SPATA31H1: variants seen among roughly 807,000 people sequenced by gnomAD.
The protein encoded by SPATA31H1 is spermatogenesis-associated protein 31H1.
At chr2:27,573,702 C>T in the SPATA31H1 span, 1 of 398,510 alleles carries the variant, frequency 2.5e-6, no homozygotes, top group Non-Finnish European at 4.4e-6. Context: ...AAGACCACAG[C>T]TGCACAAAGT....
the SPATA31H1 span, chr2:27,575,065 T>C: frequency 2.5e-6 from 1 of 398,562 alleles, no homozygotes; most frequent in African/African-American, 2.1e-5. The surrounding 1 kb of genome is among the most constrained non-coding windows in gnomAD (Gnocchi z 4.1). Context: ...TTATCTATGT[T>C]GACACCAGGG....
the SPATA31H1 span, chr2:27,576,984 C>G: frequency 1.2e-6 from 2 of 1,614,066 alleles, no homozygotes; most frequent in Non-Finnish European, 1.7e-6. Context: ...GATGATCCCA[C>G]AGCCAAAGTA....
the SPATA31H1 span, chr2:27,572,955 G>A: frequency 2.5e-6 from 1 of 397,612 alleles, no homozygotes; most frequent in African/African-American, 2.1e-5. Flanking sequence ...ATATTTTCAA[G>A]GTGTGAAAAC....
chr2:27,538,656 A>T, the SPATA31H1 span, among the ~76,000 whole-genome samples: 2 of 151,808 alleles, frequency 1.3e-5, no homozygotes, highest in African/African-American at 4.8e-5. Flanking sequence ...ACATGGTGGA[A>T]CCCCGTCTCT....
At chr2:27,581,543 C>A in the SPATA31H1 span, 2 of 1,465,074 alleles carry the variant, frequency 1.4e-6, no homozygotes, top group Non-Finnish European at 1.9e-6. Flanking sequence ...ATCGCAGTCC[C>A]TCAGAGAGAA....
At chr2:27,582,002 G>GGA in the SPATA31H1 span, 2 of 1,605,756 alleles carry the variant, frequency 1.2e-6, no homozygotes, top group Admixed American at 1.7e-5. Flanking sequence ...ACAGTCCCTT[G>GGA]GAGAGGAGCC....
At chr2:27,577,150 T>G in the SPATA31H1 span, 2 of 1,613,990 alleles carry the variant, frequency 1.2e-6, no homozygotes, top group Non-Finnish European at 1.7e-6. This position sits in a 1 kb window ranked among gnomAD's most constrained non-coding sequence, Gnocchi z 4.5. Flanking sequence ...AAGGAATCCT[T>G]AGGGATGCTG....
the SPATA31H1 span, among the ~76,000 whole-genome samples, chr2:27,543,211 A>C: frequency 9.2e-5 from 14 of 152,146 alleles, no homozygotes; most frequent in Non-Finnish European, 1.9e-4. Context: ...CAGCATTTCC[A>C]AACCTTTTTT....
chr2:27,567,062 G>A, the SPATA31H1 span: 1 of 717,340 alleles, frequency 1.4e-6, no homozygotes, highest in East Asian at 2.7e-5. Context: ...AAATTTTTCA[G>A]AATTTGGCAG....
chr2:27,541,550 C>A, the SPATA31H1 span, among the ~76,000 whole-genome samples: 1 of 151,872 alleles, frequency 6.6e-6, no homozygotes, highest in African/African-American at 2.4e-5. Context: ...GTGAAATGAA[C>A]GAACGACTTC....
chr2:27,578,747 G>A, the SPATA31H1 span: 3 of 1,614,092 alleles, frequency 1.9e-6, no homozygotes, highest in Non-Finnish European at 1.7e-6. Context: ...TACAAGTAGG[G>A]ACTGACTTCT....
the SPATA31H1 span, among the ~76,000 whole-genome samples, chr2:27,540,001 T>A: frequency 1.6e-5 from 2 of 121,770 alleles, no homozygotes; most frequent in African/African-American, 6.2e-5. Flanking sequence ...ACTGGGCGGC[T>A]GGCCGGGCGG....
At chr2:27,552,902 C>T in the SPATA31H1 span, among the ~76,000 whole-genome samples, 1 of 151,912 alleles carries the variant, frequency 6.6e-6, no homozygotes, top group African/African-American at 2.4e-5. Flanking sequence ...TTCCGATATT[C>T]TGTATGTAAG....
At chr2:27,566,885 A>T in the SPATA31H1 span, 1 of 717,602 alleles carries the variant, frequency 1.4e-6, no homozygotes, top group East Asian at 2.7e-5. Flanking sequence ...CCTTTAGTTC[A>T]TCATGCAATG....
At chr2:27,561,006 T>C in the SPATA31H1 span, among the ~76,000 whole-genome samples, 5 of 152,194 alleles carry the variant, frequency 3.3e-5, no homozygotes, top group Non-Finnish European at 1.5e-5. Context: ...ATTTGTCATT[T>C]TGAGGTTCCA....
the SPATA31H1 span, among the ~76,000 whole-genome samples, chr2:27,559,055 T>G: frequency 1.3e-5 from 2 of 152,238 alleles, no homozygotes; most frequent in African/African-American, 2.4e-5. Context: ...TATCTCTTAG[T>G]CTTCAGTCAG....
chr2:27,556,870 T>C, the SPATA31H1 span, among the ~76,000 whole-genome samples: 3 of 104,742 alleles, frequency 2.9e-5, no homozygotes, highest in Non-Finnish European at 5.7e-5. Context: ...CCTTCCGCAG[T>C]GTTTGTGTCC....
the SPATA31H1 span, chr2:27,582,637 A>C: frequency 1.8e-6 from 2 of 1,142,328 alleles, no homozygotes; most frequent in African/African-American, 3.1e-5. Context: ...CCAGCGTGGA[A>C]AGGCTTCCAT....
chr2:27,547,667 T>C, the SPATA31H1 span, among the ~76,000 whole-genome samples: 1 of 152,080 alleles, frequency 6.6e-6, no homozygotes, highest in African/African-American at 2.4e-5. Flanking sequence ...AGTGTGTTCA[T>C]GTCTCGTTTA....
Sources: allele counts gnomAD v4.1 joint callset (sites outside exome capture counted in the v4.1 genomes callset), GRCh38; gene constraint gnomAD v4.1.1; non-coding constraint Gnocchi (gnomAD v3.1); transcripts MANE v1.5; gene names NCBI Gene and HGNC (gene_info 2026-07-23, HGNC 2026-07-21).